Variants in CCDC40 observed in about 807,000 individuals in gnomAD.
The protein encoded by CCDC40 is coiled-coil domain 40 molecular ruler complex subunit, also known as coiled-coil domain-containing protein 40.
CCDC40 carries 104 observed loss-of-function variants against 124.5 expected under a neutral mutation model. That is an observed-to-expected ratio of 0.84 (90% CI 0.71 to 0.98). The LOEUF is 0.98. Ranked by LOEUF, CCDC40 falls within the 50% of genes least tolerant of loss-of-function variation. CCDC40 has a pLI of 0.00. For missense variants in CCDC40, 1,463 were observed against 1,503.9 expected, an observed-to-expected ratio of 0.97 and a Z score of 0.45; for synonymous variants, 580 against 602.9, an observed-to-expected ratio of 0.96 and a Z score of 0.56.
At chr17:80,054,278 T>G (rs1432281142) in intron 7 of CCDC40, among the ~76,000 whole-genome samples, 1 of 152,132 alleles carries the variant, frequency 6.6e-6, no homozygotes, top group African/African-American at 2.4e-5. Context: ...TTTTGTTTTG[T>G]TTTTTGTTTT....
At chr17:80,097,484 C>A (rs751816554) in intron 19 of CCDC40, 81 bp downstream of exon 19, 2 of 1,462,566 alleles carry the variant, frequency 1.4e-6, no homozygotes, top group East Asian at 2.3e-5. Flanking sequence ...CCCCTCTGTG[C>A]GAGTCACGGC....
intron 19 of CCDC40, among the ~76,000 whole-genome samples, chr17:80,098,536 G>A (rs1598557819): frequency 1.3e-5 from 2 of 152,328 alleles, no homozygotes; most frequent in East Asian, 3.9e-4. Flanking sequence ...GGTTGGCTGT[G>A]GTGTGAGCAG....
chr17:80,041,126 C>CCA (rs1479731296), intron 3 of CCDC40, among the ~76,000 whole-genome samples: 1 of 152,110 alleles, frequency 6.6e-6, no homozygotes, highest in Non-Finnish European at 1.5e-5. Flanking sequence ...TTTTCTTAAA[C>CCA]ACTGGAGAGT....
At chr17:80,045,837 C>T (rs2037406797) in intron 3 of CCDC40, among the ~76,000 whole-genome samples, 1 of 136,246 alleles carries the variant, frequency 7.3e-6, no homozygotes, top group Non-Finnish European at 1.6e-5. Context: ...TCATCATAAC[C>T]TTTCAAAAAA....
intron 19 of CCDC40, chr17:80,098,934 T>C (rs1378901323): frequency 6.7e-6 from 1 of 149,490 alleles, no homozygotes; most frequent in East Asian, 2.0e-4. Flanking sequence ...TGTGCCAAGA[T>C]TGTGCCATTG....
rs1365026095 is a variant in CCDC40, at chr17:80,065,573, A to T, written c.1529A>T (p.Asp510Val). The change falls in exon 10 of 20, where the codon GAC becomes GTC. Residue 510 changes from aspartate to valine, a missense_variant. By Grantham distance (152) the Asp-to-Val change is radical. Coordinates refer to ENST00000397545, the MANE Select transcript of CCDC40 (RefSeq NM_017950.4). ...AGCCTGGTGGGCATGAAGCACCGCG[A>T]CGAGGCGCACAGGGCGGTGCTGGAG... Reference protein sequence around the residue: ...ASSLVGMKHRDEAHRAVLEAL... With the variant: ...ASSLVGMKHRVEAHRAVLEAL... The T allele has an allele frequency of 1.2e-6, 2 of 1,612,690 alleles. No homozygotes were observed. The highest frequency in any genetic ancestry group is 1.7e-6 in the Non-Finnish European group (2 of 1,179,908).
intron 17 of CCDC40, among the ~76,000 whole-genome samples, chr17:80,093,952 A>G (rs1037603599): frequency 6.6e-6 from 1 of 152,038 alleles, no homozygotes; most frequent in Non-Finnish European, 1.5e-5. Flanking sequence ...TGCCACACAG[A>G]CTTTTTAGTG....
chr17:80,038,289 G>C (rs1264945032), intron 2 of CCDC40, 103 bp downstream of exon 2: 1 of 768,150 alleles, frequency 1.3e-6, no homozygotes, highest in Admixed American at 2.0e-5. Flanking sequence ...CCAACACTTT[G>C]GGAGGCCAAG....
At chr17:80,084,272 G>A (rs1053530514) in intron 12 of CCDC40, among the ~76,000 whole-genome samples, 2 of 152,180 alleles carry the variant, frequency 1.3e-5, no homozygotes, top group East Asian at 1.9e-4. Context: ...GGCAAAAGGC[G>A]AAACAGGCAC....
intron 17 of CCDC40, among the ~76,000 whole-genome samples, chr17:80,091,241 T>C (rs1244846204): frequency 6.6e-6 from 1 of 151,992 alleles, no homozygotes. Context: ...TTGTTGGTGT[T>C]ATTGTTTTGT....
chr17:80,070,870 G>A (rs1483441922), intron 10 of CCDC40, among the ~76,000 whole-genome samples: 3 of 152,208 alleles, frequency 2.0e-5, no homozygotes, highest in Admixed American at 6.5e-5. Context: ...TCCCACCAGG[G>A]AATGACCGTG....
intron 9 of CCDC40, among the ~76,000 whole-genome samples, chr17:80,064,731 C>A (rs542048085): frequency 1.3e-5 from 2 of 151,832 alleles, no homozygotes; most frequent in South Asian, 4.2e-4. Context: ...CACTGCCCCC[C>A]ACGATGCCCC....
Position 80,081,590 on chromosome 17 carries a change from C to G in CCDC40, c.1607C>G (p.Ala536Gly), listed in dbSNP as rs375662034. The G allele has an allele frequency of 4.3e-6, 7 of 1,613,812 alleles. No homozygotes were observed. In the African/African-American group the frequency reaches 9.3e-5, roughly 22 times the overall value. The change falls in exon 11 of 20, where the codon GCC becomes GGC. Residue 536 changes from alanine (A) to glycine (G), a missense_variant. Transcript: ENST00000397545. The stretch of plus-strand genomic sequence containing the variant: ...AAATCCACCGACGGCGAGATTGAGG[C>G]CTATAAGAAATCCATCATGAAGGAG... Reference protein sequence around the residue: ...QAKSTDGEIEAYKKSIMKEEE... With the variant: ...QAKSTDGEIEGYKKSIMKEEE...
In CCDC40 at chr17:80,099,385, C is replaced by T. The variant is rs139279051; in HGVS notation, c.3181-142C>T. ...CAGCCTCTTCCCTGAGATCCAGGGG[C>T]GCAACACCTTCACGCCGTCCCTTTT... is the stretch of plus-strand genomic sequence containing the variant. On this transcript the variant is annotated intron_variant, in intron 19 of 19. Transcript: ENST00000397545. 210 of 923,396 alleles carry T rather than the reference C, an allele frequency of 2.3e-4. 2 individuals are homozygous for T. In the East Asian group the frequency reaches 4.5e-3, roughly 20 times the overall value. 57.2% of individuals were successfully genotyped at this position (923,396 alleles called of 1,614,324 possible).
chr17:80,089,599 G>T, intron 16 of CCDC40, 165 bp from the exon 17 acceptor site: 1 of 732,528 alleles, frequency 1.4e-6, no homozygotes. Context: ...TGCATAAGGA[G>T]CCCAGTAGTG....
intron 3 of CCDC40, among the ~76,000 whole-genome samples, chr17:80,045,627 C>T (rs572253349): frequency 3.3e-5 from 5 of 152,158 alleles, no homozygotes; most frequent in African/African-American, 4.8e-5. Context: ...TCACTTGAAC[C>T]CAGGAGGCGG....
chr17:80,048,336 T>C lies in CCDC40; in HGVS notation c.677-247T>C, dbSNP rs925921381. The C allele has an allele frequency of 2.3e-5, 13 of 557,614 alleles. No individual in the cohort carries two copies. In the Admixed American group the frequency reaches 3.8e-4, roughly 16 times the overall value. The allele number at this position is 557,614 out of a possible 1,614,324, so 34.5% of individuals were successfully genotyped here. A position where few individuals can be genotyped will look rare whatever the true frequency, so the allele number is the denominator to read the frequency against. On this transcript the variant is annotated intron_variant, in intron 4 of 19. Coordinates refer to ENST00000397545, the MANE Select transcript of CCDC40 (RefSeq NM_017950.4). ...TCACTCTTTATGTGTAAAGAAAGCCTCTCAAAAATAATTTCCTTCCTGCCT... is the reference window on the plus strand; with the variant it reads ...TCACTCTTTATGTGTAAAGAAAGCCCCTCAAAAATAATTTCCTTCCTGCCT...
chr17:80,075,163 G>C (rs2038281481), intron 10 of CCDC40, among the ~76,000 whole-genome samples: 1 of 151,986 alleles, frequency 6.6e-6, no homozygotes, highest in Non-Finnish European at 1.5e-5. Flanking sequence ...AACCTCAAGT[G>C]ATATGCTCAC....
chr17:80,056,014 A>ATTTTT (rs1173801732), intron 7 of CCDC40, among the ~76,000 whole-genome samples: 3 of 13,452 alleles, frequency 2.2e-4, no homozygotes, highest in African/African-American at 5.4e-4. Flanking sequence ...ATATATATAT[A>ATTTTT]TATTTTTTTT....
Sources: gnomAD v4.1 joint callset for allele counts (sites outside exome capture counted in the v4.1 genomes callset) on GRCh38, gnomAD v4.1.1 for gene constraint, MANE v1.5 for transcripts, NCBI Gene and HGNC (gene_info 2026-07-23, HGNC 2026-07-21) for gene names.